Variants in RASEF observed in about 807,000 individuals in gnomAD.
The protein encoded by RASEF is RAS and EF-hand domain containing, also known as ras and EF-hand domain-containing protein.
RASEF carries 68 observed loss-of-function variants against 90.1 expected under a neutral mutation model. The ratio of observed to expected loss-of-function variants is 0.75; its 90% confidence interval spans 0.62 to 0.92. The LOEUF is 0.92. RASEF is among the 40% of genes least tolerant of loss of function. The probability of loss-of-function intolerance (pLI) is 0.00; values close to 1 mark genes in which losing one functional copy is unlikely to be tolerated. For synonymous variants in RASEF, 331 were observed against 345.2 expected (o/e 0.96, Z 0.46); for missense variants, 949 against 937.2 (o/e 1.01, Z -0.16).
chr9:83,187,495 C>A, the RASEF span, among the ~76,000 whole-genome samples: 1 of 152,070 alleles, frequency 6.6e-6, no homozygotes, highest in African/African-American at 2.4e-5. Context: ...TGATAAAAGT[C>A]ATGACCTAAG....
At chr9:83,057,823 A>T (rs117166883) in intron 1 of RASEF, among the ~76,000 whole-genome samples, 11,890 of 136,104 alleles carry the variant, frequency 0.087, 581 homozygotes, top group Middle Eastern at 0.12. Context: ...ATACATATTC[A>T]TATATACATA....
At chr9:83,127,308 T>C in the RASEF span, among the ~76,000 whole-genome samples, 2 of 152,198 alleles carry the variant, frequency 1.3e-5, no homozygotes, top group Non-Finnish European at 2.9e-5. Context: ...CCTATAGTCA[T>C]AGTAGAAGGA....
the RASEF span, among the ~76,000 whole-genome samples, chr9:83,207,152 A>ACTCCAAGAGAGTCTATCACGGACATTCTG: frequency 5.5e-4 from 83 of 151,718 alleles, 1 homozygote; most frequent in Non-Finnish European, 9.6e-4. Flanking sequence ...ACGGGTCATT[A>ACTCCAAGAGAGTCTATCACGGACATTCTG]CTCCAAGAGA....
chr9:83,066,527 C>G (rs1346223700), upstream of RASEF, among the ~76,000 whole-genome samples: 2 of 152,120 alleles, frequency 1.3e-5, no homozygotes, highest in Non-Finnish European at 2.9e-5. Flanking sequence ...TTTTAGCATC[C>G]AGAAACAGCT....
At chr9:83,131,869 A>T in the RASEF span, among the ~76,000 whole-genome samples, 1 of 152,200 alleles carries the variant, frequency 6.6e-6, no homozygotes, top group African/African-American at 2.4e-5. Context: ...ATTTGTAAAG[A>T]CAAATCTTTT....
chr9:83,003,809 C>A (rs1223890172), intron 9 of RASEF, among the ~76,000 whole-genome samples: 1 of 152,084 alleles, frequency 6.6e-6, no homozygotes, highest in Non-Finnish European at 1.5e-5. Context: ...GAGTCGGAAA[C>A]TTTTTGTTTA....
chr9:83,029,222 T>G (rs1213643550), intron 1 of RASEF, among the ~76,000 whole-genome samples: 1 of 152,098 alleles, frequency 6.6e-6, no homozygotes, highest in Non-Finnish European at 1.5e-5. Context: ...AAAATCATAC[T>G]GCTTCCCTAT....
At chr9:83,064,685 C>T (rs1486749010), upstream of RASEF, among the ~76,000 whole-genome samples, 1 of 152,150 alleles carries the variant, frequency 6.6e-6, no homozygotes, top group East Asian at 1.9e-4. Flanking sequence ...AATTTTTACT[C>T]TGACCTTTGT....
Position 83,006,358 on chromosome 9 carries a change from C to T in RASEF, c.1029-858G>A, listed in dbSNP as rs759284845. Among the ~76,000 whole-genome samples, 127 of 152,198 alleles carry T rather than the reference C, an allele frequency of 8.3e-4. 1 individual carries two copies. The highest frequency in any genetic ancestry group is 6.3e-4 in the Non-Finnish European group (43 of 68,038). On this transcript the variant is annotated intron_variant, in intron 7 of 16. Transcript: ENST00000376447. Reference sequence around the variant, plus strand: ...AAAGAGATTTTTCACCCACTTCCCACTCTATCCTTTGCTCCTGGCATACCT... The same window carrying T: ...AAAGAGATTTTTCACCCACTTCCCATTCTATCCTTTGCTCCTGGCATACCT...
At chr9:82,993,679 T>G (rs1222115110) in intron 14 of RASEF, among the ~76,000 whole-genome samples, 1 of 152,228 alleles carries the variant, frequency 6.6e-6, no homozygotes, top group East Asian at 1.9e-4. Context: ...AGTACCAATC[T>G]TTCAAAGTAA....
At position 82,992,973 on chromosome 9, in the gene RASEF, A is replaced by G. The variant is rs1272673535; in HGVS notation, c.1973T>C (p.Ile658Thr). 2.5e-6 allele frequency: 4 copies of G among 1,614,032 alleles called. No homozygotes were observed. The highest frequency in any genetic ancestry group is 1.7e-6 in the Non-Finnish European group (2 of 1,179,950). ...TCCCTCTGTAGCAGCAGTGTCACGA[A>G]TGTCAGCCTTGTTTCCTACCAGCAT... ...PIMLVGNKADIRDTAATEGQK... is the reference protein window; with the variant it reads ...PIMLVGNKADTRDTAATEGQK... The change falls in exon 15 of 17, where the codon ATT (isoleucine) becomes ACT (threonine). Residue 658 changes from isoleucine to threonine, a missense_variant. Physicochemically the swap from Ile to Thr is moderately conservative, Grantham distance 89 (BLOSUM62 -1). Transcript: ENST00000376447.
At chr9:83,125,668 T>G in the RASEF span, among the ~76,000 whole-genome samples, 1 of 152,146 alleles carries the variant, frequency 6.6e-6, no homozygotes, top group Admixed American at 6.5e-5. Flanking sequence ...AATGAAGTCG[T>G]TTTTTATTCT....
chr9:83,067,674 A>G (rs1267788635), upstream of RASEF, among the ~76,000 whole-genome samples: 1 of 152,248 alleles, frequency 6.6e-6, no homozygotes, highest in Non-Finnish European at 1.5e-5. Flanking sequence ...TTCAAACAAT[A>G]TCAAATACCA....
chr9:83,202,639 C>T, the RASEF span, among the ~76,000 whole-genome samples: 1 of 151,982 alleles, frequency 6.6e-6, no homozygotes, highest in Middle Eastern at 3.4e-3. Flanking sequence ...CTATGCTTGG[C>T]TTGTTTTTTT....
At chr9:83,089,873 C>G in the RASEF span, among the ~76,000 whole-genome samples, 1 of 151,402 alleles carries the variant, frequency 6.6e-6, no homozygotes, top group East Asian at 1.9e-4. Context: ...TCCTGTCCTT[C>G]TGGGACTTTA....
chr9:83,181,541 C>T, the RASEF span, among the ~76,000 whole-genome samples: 2 of 152,074 alleles, frequency 1.3e-5, no homozygotes, highest in Non-Finnish European at 2.9e-5. Context: ...TAGGATAAAG[C>T]AGTAGGAAAT....
At chr9:83,166,875 C>G in the RASEF span, among the ~76,000 whole-genome samples, 1 of 152,112 alleles carries the variant, frequency 6.6e-6, no homozygotes, top group Non-Finnish European at 1.5e-5. Flanking sequence ...CTAAACAGAG[C>G]AGATCTCTTT....
At chr9:83,127,847 T>C in the RASEF span, among the ~76,000 whole-genome samples, 1 of 152,056 alleles carries the variant, frequency 6.6e-6, no homozygotes, top group South Asian at 2.1e-4. Context: ...TTAGGGATGA[T>C]TTTCCTAATT....
the RASEF span, among the ~76,000 whole-genome samples, chr9:83,217,126 A>G: frequency 8.6e-5 from 13 of 151,802 alleles, no homozygotes; most frequent in South Asian, 4.2e-4. Context: ...TCAGACTTAC[A>G]TGGTGCCTAT....
Sources: allele counts gnomAD v4.1 joint callset (sites outside exome capture counted in the v4.1 genomes callset), GRCh38; gene constraint gnomAD v4.1.1; transcripts MANE v1.5; gene names NCBI Gene and HGNC (gene_info 2026-07-23, HGNC 2026-07-21).